TANGO2: variants seen among roughly 807,000 people sequenced by gnomAD.
TANGO2 encodes transport and golgi organization 2 homolog, also known as transport and Golgi organization protein 2 homolog.
A neutral mutation model predicts 39.1 loss-of-function variants in TANGO2; 26 were observed. The ratio of observed to expected loss-of-function variants is 0.67; its 90% CI spans 0.49 to 0.92. The LOEUF (loss-of-function observed/expected upper bound fraction) is 0.92. Among genes scored for constraint, TANGO2 ranks in the 40% least tolerant of loss-of-function variants. TANGO2 has a pLI of 0.00. For synonymous variants in TANGO2, 131 were observed against 144.5 expected (o/e 0.91, Z 0.67); for missense variants, 326 against 360.1 (o/e 0.91, Z 0.77).
chr22:20,028,756 G>A (rs1454534624), intron 1 of TANGO2, among the ~76,000 whole-genome samples: 2 of 152,238 alleles, frequency 1.3e-5, no homozygotes, highest in Non-Finnish European at 2.9e-5. Context: ...ATGCAGGAGG[G>A]TGGCCTGGAT....
At chr22:20,042,896 G>A (rs1412776383) in intron 2 of TANGO2, among the ~76,000 whole-genome samples, 1 of 152,190 alleles carries the variant, frequency 6.6e-6, no homozygotes, top group East Asian at 1.9e-4. Context: ...GAATGGAGCA[G>A]CCCTCAGAGG....
chr22:20,055,826 G>A (rs1295610709), intron 5 of TANGO2, 117 bp from the exon 6 acceptor site: 14 of 904,440 alleles, frequency 1.5e-5, no homozygotes, highest in African/African-American at 4.9e-5. Context: ...TGACCTGGCC[G>A]CAGCGGGCTA....
chr22:20,040,215 C>CA, intron 2 of TANGO2, among the ~76,000 whole-genome samples: 1 of 152,196 alleles, frequency 6.6e-6, no homozygotes, highest in Non-Finnish European at 1.5e-5. Context: ...ACTGCTGGAA[C>CA]AAAAATAACC....
At chr22:20,027,418 G>A (rs2040981611) in intron 1 of TANGO2, among the ~76,000 whole-genome samples, 1 of 152,218 alleles carries the variant, frequency 6.6e-6, no homozygotes, top group Non-Finnish European at 1.5e-5. Context: ...GCAGAGCAGC[G>A]GGAAAGCTGG....
chr22:20,052,223 T>A (rs2046472869), intron 3 of TANGO2, among the ~76,000 whole-genome samples: 1 of 152,188 alleles, frequency 6.6e-6, no homozygotes, highest in African/African-American at 2.4e-5. Context: ...GTGGTTGGTG[T>A]CATAGTTGTC....
At chr22:20,033,914 G>GA in intron 1 of TANGO2, among the ~76,000 whole-genome samples, 1 of 152,222 alleles carries the variant, frequency 6.6e-6, no homozygotes, top group African/African-American at 2.4e-5. Context: ...AGCTTCCTAA[G>GA]AGTTCTTTTG....
chr22:20,064,409 CTG>C (rs1216962589), intron 8 of TANGO2, 131 bp from the exon 9 acceptor site: 1 of 1,131,584 alleles, frequency 8.8e-7, no homozygotes, highest in African/African-American at 1.5e-5. Context: ...CTGCTGCTCT[CTG>C]TGACTTGGCA....
chr22:20,064,882 G>A lies in TANGO2; in HGVS notation c.*220G>A. ...TGAGGAGCAGCAGAGTCTGATACTA[G>A]GTCTAGGACCGGCCGAGGTATACCA... is the stretch of plus-strand genomic sequence containing the variant. On this transcript the variant is annotated 3_prime_UTR_variant, in exon 9 of 9. Coordinates refer to ENST00000327374, the MANE Select transcript of TANGO2 (RefSeq NM_152906.7). The A allele has an allele frequency of 1.7e-6, 1 of 589,142 alleles. No individual in the cohort carries two copies. Among genetic ancestry groups the A allele is most frequent in the Non-Finnish European group, 2.9e-6 (1 of 341,710 alleles). 36.5% of individuals were successfully genotyped at this position (589,142 alleles called of 1,614,324 possible). A position where few individuals can be genotyped will look rare whatever the true frequency, so the allele number is the denominator to read the frequency against.
upstream of TANGO2, among the ~76,000 whole-genome samples, chr22:20,019,708 GT>G (rs570678852): frequency 6.6e-6 from 1 of 152,344 alleles, no homozygotes; most frequent in Admixed American, 6.5e-5. Context: ...CCAGGGCACA[GT>G]CCATCACCCC....
At chr22:20,029,778 G>T (rs2041488371) in intron 1 of TANGO2, among the ~76,000 whole-genome samples, 1 of 152,208 alleles carries the variant, frequency 6.6e-6, no homozygotes, top group South Asian at 2.1e-4. Context: ...TAGTTCCCCG[G>T]CCTCCCTGCA....
intron 3 of TANGO2, among the ~76,000 whole-genome samples, chr22:20,044,891 A>C (rs1040605550): frequency 6.6e-6 from 1 of 152,188 alleles, no homozygotes; most frequent in South Asian, 2.1e-4. Context: ...CAGGTCTGTC[A>C]GCTGCCTCTG....
chr22:20,051,164 A>G (rs745785990), intron 3 of TANGO2, among the ~76,000 whole-genome samples: 4 of 151,842 alleles, frequency 2.6e-5, no homozygotes, highest in Non-Finnish European at 4.4e-5. Context: ...CGGGGCCACA[A>G]ATACAGTTTT....
At chr22:20,035,991 A>G (rs2147060639) in intron 1 of TANGO2, among the ~76,000 whole-genome samples, 1 of 152,216 alleles carries the variant, frequency 6.6e-6, no homozygotes, top group East Asian at 1.9e-4. Flanking sequence ...CTTCACCCGA[A>G]CCAAAGAAGT....
At position 20,064,573 on chromosome 22, in the gene TANGO2, G is replaced by A. The variant is rs754804915; in HGVS notation, c.742G>A (p.Gly248Ser). The A allele has an allele frequency of 3.1e-5, 50 of 1,613,986 alleles. 1 individual carries two copies. The highest frequency in any genetic ancestry group is 3.7e-5 in the Non-Finnish European group (44 of 1,180,000). The part of the protein sequence containing the change: ...TNTIILVDAD[G>S]HVTFTERSMM... Reference sequence around the variant, plus strand: ...CACTATCATCCTGGTAGATGCGGACGGCCACGTGACCTTCACTGAGCGTAG... The same window carrying A: ...CACTATCATCCTGGTAGATGCGGACAGCCACGTGACCTTCACTGAGCGTAG... Residue 248 changes from glycine to serine, a missense_variant, in exon 9 of 9, where the codon GGC becomes AGC. Gly to Ser is a moderately conservative substitution (Grantham distance 56). Transcript: ENST00000327374.
Position 20,052,620 on chromosome 22 carries a change from G to A in TANGO2, c.265+36G>A, listed in dbSNP as rs1440899934. The A allele has an allele frequency of 3.2e-6, 5 of 1,544,444 alleles. No individual in the cohort carries two copies. The Admixed American group carries it at 9.8e-5, about 30-fold the overall frequency. On this transcript the variant is annotated intron_variant, in intron 4 of 8. Coordinates refer to ENST00000327374, the MANE Select transcript of TANGO2 (RefSeq NM_152906.7). Reference sequence around the variant, plus strand: ...TGGGGTGGGGCCAAGGTGAGACAGGGTGGGGTGGGGCAGGCCTAGGTGAGA... The same window carrying A: ...TGGGGTGGGGCCAAGGTGAGACAGGATGGGGTGGGGCAGGCCTAGGTGAGA...
rs1412392166 is a variant in TANGO2, at chr22:20,066,192, G to A, written c.*1530G>A. Reference sequence around the variant, plus strand: ...AGGTCGCAATGGAGGCCCCACTGGAGCGGGAGGCAGGCTGGCCTGGACTTC... The same window carrying A: ...AGGTCGCAATGGAGGCCCCACTGGAACGGGAGGCAGGCTGGCCTGGACTTC... On this transcript the variant is annotated 3_prime_UTR_variant, in exon 9 of 9. Coordinates refer to ENST00000327374, the MANE Select transcript of TANGO2 (RefSeq NM_152906.7). 1 of 153,044 alleles carries A rather than the reference G, an allele frequency of 6.5e-6. No homozygotes were observed. The highest frequency in any genetic ancestry group is 1.9e-4 in the East Asian group (1 of 5,212). 9.5% of individuals were successfully genotyped at this position (153,044 alleles called of 1,614,324 possible). A position where few individuals can be genotyped will look rare whatever the true frequency, so the allele number is the denominator to read the frequency against.
chr22:20,063,628 C>G (rs1366308803), intron 8 of TANGO2, 186 bp downstream of exon 8: 1 of 587,794 alleles, frequency 1.7e-6, no homozygotes, highest in Non-Finnish European at 2.9e-6. Flanking sequence ...TCCCGGGGCC[C>G]CACAGGCTGG....
At chr22:20,033,196 G>A in intron 1 of TANGO2, 1 of 523,858 alleles carries the variant, frequency 1.9e-6, no homozygotes. Context: ...CCAGGGGCTG[G>A]CTTTCCTCTG....
intron 1 of TANGO2, among the ~76,000 whole-genome samples, chr22:20,024,363 C>T (rs544067821): frequency 3.3e-5 from 5 of 152,340 alleles, no homozygotes; most frequent in Admixed American, 6.5e-5. Flanking sequence ...GCCCAGGCCC[C>T]GTGAACAGCG....
Sources: gnomAD v4.1 joint callset for allele counts (sites outside exome capture counted in the v4.1 genomes callset) on GRCh38, gnomAD v4.1.1 for gene constraint, MANE v1.5 for transcripts, NCBI Gene and HGNC (gene_info 2026-07-23, HGNC 2026-07-21) for gene names.